RSF1: variants seen among roughly 807,000 people sequenced by gnomAD.
RSF1 encodes HBV pX-associated protein 8.
Under a neutral mutation model 145.2 loss-of-function variants are expected in RSF1, and 13 were observed. The ratio of observed to expected loss-of-function variants is 0.09; its 90% CI spans 0.06 to 0.14. The LOEUF is 0.14. Ranked by LOEUF, RSF1 falls within the 10% of genes least tolerant of loss-of-function variation. The pLI is 1.00. For missense variants in RSF1, 1,517 were observed against 1,718.2 expected, an observed-to-expected ratio of 0.88 and a Z score of 2.07; for synonymous variants, 577 against 592.6, an observed-to-expected ratio of 0.97 and a Z score of 0.38.
chr11:77,680,694 T>G (rs750783924), intron 11 of RSF1, among the ~76,000 whole-genome samples: 21 of 152,356 alleles, frequency 1.4e-4, no homozygotes, highest in Admixed American at 2.6e-4. Flanking sequence ...GGCTGCATAG[T>G]ATCTCACCTT....
At position 77,723,822 on chromosome 11, in the gene RSF1, G is replaced by A. The variant is rs148974954; in HGVS notation, c.733+1723C>T. Among the ~76,000 whole-genome samples, 233 of 152,234 alleles carry A rather than the reference G, an allele frequency of 1.5e-3. 1 individual carries two copies. Among genetic ancestry groups the A allele is most frequent in the African/African-American group, 5.5e-3 (227 of 41,558 alleles). On this transcript the variant is annotated intron_variant, in intron 5 of 15. Transcript: ENST00000308488. Reference sequence around the variant, plus strand: ...ACTAAAAGCAAAGAAAACATAATAAGGAAAGCAAATTCCTTCCCTTGTCAT... The same window carrying A: ...ACTAAAAGCAAAGAAAACATAATAAAGAAAGCAAATTCCTTCCCTTGTCAT...
chr11:77,683,833 A>G lies in RSF1; in HGVS notation c.2956-14T>C, dbSNP rs1193703712. 8 of 1,575,258 alleles carry G rather than the reference A, an allele frequency of 5.1e-6. No homozygotes were observed. Among genetic ancestry groups the G allele is most frequent in the African/African-American group, 4.0e-5 (3 of 74,130 alleles). ...AAAGTCTGGCTCCTTAAAAAATATGATAATAAGCATAGAGGTTATTCCTTA... is the reference window on the plus strand; with the variant it reads ...AAAGTCTGGCTCCTTAAAAAATATGGTAATAAGCATAGAGGTTATTCCTTA... On this transcript the variant is annotated splice_polypyrimidine_tract_variant and intron_variant, in intron 10 of 15. Coordinates refer to ENST00000308488, the MANE Select transcript of RSF1 (RefSeq NM_016578.4).
intron 7 of RSF1, among the ~76,000 whole-genome samples, chr11:77,698,171 AAGG>A (rs1475590286): frequency 6.6e-6 from 1 of 152,186 alleles, no homozygotes; most frequent in African/African-American, 2.4e-5. Flanking sequence ...AAGTAATTTA[AAGG>A]GAAAGAAGAA....
intron 3 of RSF1, among the ~76,000 whole-genome samples, chr11:77,744,320 C>T (rs766083535): frequency 1.6e-4 from 24 of 150,104 alleles, no homozygotes; most frequent in South Asian, 4.2e-4. Context: ...TGAGCCACCC[C>T]GCCTGGCTTA....
intron 1 of RSF1, among the ~76,000 whole-genome samples, chr11:77,775,248 CAA>C (rs36109857): frequency 6.5e-5 from 7 of 107,752 alleles, no homozygotes; most frequent in Non-Finnish European, 3.9e-5. Context: ...GACTCCATCT[CAA>C]AAAAAAAAAA....
the RSF1 span, chr11:77,842,596 C>T: frequency 3.5e-5 from 56 of 1,613,700 alleles, no homozygotes; most frequent in Admixed American, 1.7e-4. Flanking sequence ...AGGGGGTAGT[C>T]GGACTTGGGA....
chr11:77,843,833 A>G, the RSF1 span, among the ~76,000 whole-genome samples: 2 of 152,164 alleles, frequency 1.3e-5, no homozygotes, highest in Non-Finnish European at 2.9e-5. Flanking sequence ...ACAGTTCCAC[A>G]TGGCTGGGGA....
chr11:77,730,973 C>T (rs182048430), intron 4 of RSF1, among the ~76,000 whole-genome samples: 13 of 152,068 alleles, frequency 8.5e-5, no homozygotes, highest in Admixed American at 2.0e-4. Context: ...AGGAGTGGGG[C>T]GTTGCTGAAA....
intron 5 of RSF1, among the ~76,000 whole-genome samples, chr11:77,723,993 C>T (rs1203385109): frequency 1.3e-5 from 2 of 152,076 alleles, no homozygotes; most frequent in African/African-American, 2.4e-5. Context: ...AATTAGAAAA[C>T]TCAATCAGAA....
At chr11:77,788,416 A>C (rs1027503046) in intron 1 of RSF1, among the ~76,000 whole-genome samples, 3 of 151,040 alleles carry the variant, frequency 2.0e-5, no homozygotes, top group Non-Finnish European at 4.4e-5. Context: ...GGTTAATATA[A>C]AAAAAGACCC....
At chr11:77,765,545 T>TA (rs1948216951) in intron 1 of RSF1, among the ~76,000 whole-genome samples, 1 of 152,218 alleles carries the variant, frequency 6.6e-6, no homozygotes, top group Non-Finnish European at 1.5e-5. Flanking sequence ...TTCTGGCTCT[T>TA]ATTCTCTAGT....
At chr11:77,854,156 A>G in the RSF1 span, among the ~76,000 whole-genome samples, 1 of 151,754 alleles carries the variant, frequency 6.6e-6, no homozygotes, top group South Asian at 2.1e-4. Context: ...ACACCCAGCT[A>G]ATTTTTTTTG....
chr11:77,778,227 T>G (rs1382194524), intron 1 of RSF1, among the ~76,000 whole-genome samples: 318 of 4,438 alleles, frequency 0.072, no homozygotes, highest in Middle Eastern at 0.33. Flanking sequence ...GGGGAGGGGG[T>G]GGGGGAGGGA....
chr11:77,774,231 C>A (rs530759899), intron 1 of RSF1, among the ~76,000 whole-genome samples: 3 of 151,954 alleles, frequency 2.0e-5, no homozygotes, highest in Non-Finnish European at 2.9e-5. Flanking sequence ...GGAACAGGGA[C>A]AAGAAAATAA....
intron 4 of RSF1, among the ~76,000 whole-genome samples, chr11:77,735,589 T>C (rs1041048244): frequency 6.6e-6 from 1 of 152,190 alleles, no homozygotes; most frequent in Admixed American, 6.5e-5. Flanking sequence ...TTTAAAGAAA[T>C]TGTTTTAAGA....
intron 4 of RSF1, chr11:77,738,989 CTTTT>C (rs1961436439): frequency 6.6e-6 from 1 of 151,286 alleles, no homozygotes; most frequent in African/African-American, 2.4e-5. Flanking sequence ...CCTTCCAGTT[CTTTT>C]TATCTTGAAC....
intron 2 of RSF1, among the ~76,000 whole-genome samples, chr11:77,757,628 A>C (rs908779162): frequency 3.3e-5 from 5 of 152,202 alleles, no homozygotes; most frequent in African/African-American, 1.2e-4. Flanking sequence ...CAGTGAGCCA[A>C]GACTGTGCCA....
chr11:77,824,922 A>G (rs1949098132), upstream of RSF1, among the ~76,000 whole-genome samples: 1 of 152,160 alleles, frequency 6.6e-6, no homozygotes, highest in African/African-American at 2.4e-5. Flanking sequence ...ATACAAATTT[A>G]TACACATTTC....
At chr11:77,693,397 C>G (rs888268769) in intron 8 of RSF1, 110 bp downstream of exon 8, 7 of 660,124 alleles carry the variant, frequency 1.1e-5, no homozygotes, top group Non-Finnish European at 1.9e-5. Flanking sequence ...GAGGTAAATA[C>G]TATTTACACA....
Sources: allele counts gnomAD v4.1 joint callset (sites outside exome capture counted in the v4.1 genomes callset), GRCh38; gene constraint gnomAD v4.1.1; transcripts MANE v1.5; gene names NCBI Gene and HGNC (gene_info 2026-07-23, HGNC 2026-07-21).